The following BLM variants were observed in gnomAD, a reference collection of about 807,000 sequenced individuals.
BLM encodes the protein recQ-like DNA helicase BLM.
Under a neutral mutation model 135.3 loss-of-function variants are expected in BLM, and 95 were observed. The ratio of observed to expected loss-of-function variants is 0.70; its 90% confidence interval spans 0.59 to 0.83. BLM has a LOEUF of 0.83. BLM is among the 40% of genes least tolerant of loss of function. The pLI is 0.00. For synonymous variants in BLM, 520 were observed against 589.2 expected (o/e 0.88, Z 1.70); for missense variants, 1,518 against 1,663.9 (o/e 0.91, Z 1.53).
chr15:90,805,974 C>G (rs528033626), intron 19 of BLM, among the ~76,000 whole-genome samples: 1 of 152,054 alleles, frequency 6.6e-6, no homozygotes, highest in Admixed American at 6.5e-5. Flanking sequence ...CTCAACCTCC[C>G]GAGTAGCTGG....
chr15:90,773,631 A>C (rs1438190476), intron 12 of BLM, among the ~76,000 whole-genome samples: 1 of 147,660 alleles, frequency 6.8e-6, no homozygotes, highest in African/African-American at 2.5e-5. Context: ...GTCAATTCCT[A>C]CTTTCTCACT....
chr15:90,745,488 C>T (rs1473663912), intron 1 of BLM, among the ~76,000 whole-genome samples: 1 of 152,138 alleles, frequency 6.6e-6, no homozygotes, highest in Non-Finnish European at 1.5e-5. Context: ...CAGCTCACTG[C>T]AATATCTGCC....
chr15:90,789,201 T>C (rs1310891495), intron 14 of BLM, among the ~76,000 whole-genome samples: 1 of 152,146 alleles, frequency 6.6e-6, no homozygotes, highest in Admixed American at 6.5e-5. Flanking sequence ...GTTAGATTCA[T>C]GAGATAGAAT....
Position 90,811,206 on chromosome 15 carries a change from T to G in BLM, c.3876T>G (p.Ala1292=). The part of the protein sequence containing the change: ...LQKYSEWTSP[A]EDSSPGISLS... ...AACATCTGCATTTTCCATTTGTAGCTGAAGACAGTTCCCCAGGGATAAGCC... is the reference window on the plus strand; with the variant it reads ...AACATCTGCATTTTCCATTTGTAGCGGAAGACAGTTCCCCAGGGATAAGCC... Residue 1292 remains alanine (A), a splice_region_variant and synonymous_variant, in exon 21 of 22, where the codon GCT becomes GCG. Transcript: ENST00000355112. The G allele has an allele frequency of 1.2e-6, 2 of 1,613,022 alleles. No individual in the cohort carries two copies. Among genetic ancestry groups the G allele is most frequent in the Non-Finnish European group, 1.7e-6 (2 of 1,180,018 alleles).
At chr15:90,797,837 G>A (rs4514654) in intron 16 of BLM, among the ~76,000 whole-genome samples, 2,275 of 152,286 alleles carry the variant, frequency 0.015, 37 homozygotes, top group Middle Eastern at 0.044. Flanking sequence ...GTGGATTTAC[G>A]TGGCACCCCA....
At chr15:90,808,928 G>A (rs17182722) in intron 19 of BLM, 12,800 of 645,242 alleles carry the variant, frequency 0.02, 152 homozygotes, top group Middle Eastern at 0.032. Flanking sequence ...GGCCTATGCC[G>A]CTGGAATTGG....
intron 14 of BLM, among the ~76,000 whole-genome samples, chr15:90,786,335 CG>C (rs1896749178): frequency 2.0e-5 from 3 of 152,154 alleles, no homozygotes; most frequent in African/African-American, 7.2e-5. Flanking sequence ...TGAGCATTCA[CG>C]TACAAGTTTT....
At position 90,794,214 on chromosome 15, in the gene BLM, T is replaced by TTGTATAGCA; in HGVS notation, c.3070_3078dup (p.Tyr1024_Met1026dup). 6.2e-7 allele frequency: 1 copy of TTGTATAGCA among 1,605,984 alleles called. No individual in the cohort carries two copies. The highest frequency in any genetic ancestry group is 8.5e-7 in the Non-Finnish European group (1 of 1,175,440). On this transcript the variant is annotated inframe_insertion, in exon 16 of 22. Coordinates refer to ENST00000355112, the MANE Select transcript of BLM (RefSeq NM_000057.4). ...TACAAGAGAAACTCACTTCAATAAT[T>TTGTATAGCA]TGTATAGCATGGTACATTACTGTGA... is the stretch of plus-strand genomic sequence containing the variant.
chr15:90,723,880 G>A (rs1268085693), intron 1 of BLM, among the ~76,000 whole-genome samples: 2 of 151,970 alleles, frequency 1.3e-5, no homozygotes, highest in Non-Finnish European at 2.9e-5. Flanking sequence ...TAGATACCTC[G>A]TTGCAGTGGA....
At chr15:90,731,132 G>T (rs1424379838) in intron 1 of BLM, among the ~76,000 whole-genome samples, 2 of 152,004 alleles carry the variant, frequency 1.3e-5, no homozygotes, top group African/African-American at 4.8e-5. Flanking sequence ...GTGGAGATGA[G>T]ATTTAATCAC....
chr15:90,747,717 A>C, intron 2 of BLM: 1 of 468,838 alleles, frequency 2.1e-6, no homozygotes, highest in Non-Finnish European at 3.8e-6. Flanking sequence ...TGCTCAATAA[A>C]GATTTGTTGA....
chr15:90,790,603 C>T (rs1237221964), intron 14 of BLM, 46 bp from the exon 15 acceptor site: 1 of 1,564,740 alleles, frequency 6.4e-7, no homozygotes, highest in South Asian at 1.1e-5. Flanking sequence ...AATGTTCCTT[C>T]AAGTCTGTGC....
At chr15:90,722,267 G>T (rs1485211145) in intron 1 of BLM, among the ~76,000 whole-genome samples, 1 of 151,956 alleles carries the variant, frequency 6.6e-6, no homozygotes, top group Non-Finnish European at 1.5e-5. Context: ...CTGCCACCAG[G>T]CCCGGCTAAT....
intron 12 of BLM, among the ~76,000 whole-genome samples, chr15:90,771,901 A>G (rs956160534): frequency 6.6e-6 from 1 of 152,176 alleles, no homozygotes; most frequent in African/African-American, 2.4e-5. Flanking sequence ...AGAGGCAGGC[A>G]CCTTGAATCT....
chr15:90,808,983 G>A, intron 19 of BLM, 154 bp from the exon 20 acceptor site: 3 of 996,028 alleles, frequency 3.0e-6, no homozygotes, highest in Non-Finnish European at 4.7e-6. Context: ...CCTCTGAGGT[G>A]CTAACTTTGC....
intron 1 of BLM, among the ~76,000 whole-genome samples, chr15:90,725,378 A>C (rs1209344737): frequency 1.3e-5 from 2 of 151,654 alleles, no homozygotes; most frequent in Admixed American, 1.3e-4. Flanking sequence ...TTACATTTTT[A>C]TTTTCCAATC....
At chr15:90,741,419 G>A (rs1951036420) in intron 1 of BLM, among the ~76,000 whole-genome samples, 1 of 152,124 alleles carries the variant, frequency 6.6e-6, no homozygotes, top group Admixed American at 6.6e-5. Context: ...CTGAAGGTTA[G>A]TGTCTTTAAT....
chr15:90,782,392 A>AAAAAC lies in BLM; in HGVS notation c.2556-410_2556-406dup, dbSNP rs1004553540. 3.3e-5 allele frequency among the ~76,000 whole-genome samples: 5 copies of AAAAAC among 151,914 alleles called. No individual in the cohort carries two copies. The South Asian group carries it at 8.3e-4, about 25-fold the overall frequency. On this transcript the variant is annotated intron_variant, in intron 12 of 21. Coordinates refer to ENST00000355112, the MANE Select transcript of BLM (RefSeq NM_000057.4). ...GACAGAGTGAGACTCTGTCTCAAAA[A>AAAAAC]AAAACAAAACAAAACAAAACAAAAA...
At chr15:90,777,391 G>A (rs188117496) in intron 12 of BLM, among the ~76,000 whole-genome samples, 248 of 152,320 alleles carry the variant, frequency 1.6e-3, no homozygotes, top group African/African-American at 5.6e-3. Context: ...GACCTCAGGT[G>A]ATCTGCCCGC....
Sources: gnomAD v4.1 joint callset for allele counts (sites outside exome capture counted in the v4.1 genomes callset) on GRCh38, gnomAD v4.1.1 for gene constraint, MANE v1.5 for transcripts, NCBI Gene and HGNC (gene_info 2026-07-23, HGNC 2026-07-21) for gene names.